HIKESHI: variants seen among roughly 807,000 people sequenced by gnomAD.
HIKESHI encodes the protein heat shock protein nuclear import factor hikeshi.
A neutral mutation model predicts 25.7 loss-of-function variants in HIKESHI; 13 were observed. The observed-to-expected ratio is 0.51, with a 90% CI of 0.33 to 0.80. The LOEUF (loss-of-function observed/expected upper bound fraction) is 0.80. Ranked by LOEUF, HIKESHI falls within the 30% of genes least tolerant of loss-of-function variation. The pLI, the probability that HIKESHI is intolerant of heterozygous loss-of-function variation, is 0.02. For synonymous variants in HIKESHI, 76 were observed against 78.7 expected (o/e 0.97, Z 0.18); for missense variants, 174 against 229.5 (o/e 0.76, Z 1.56).
intron 2 of HIKESHI, among the ~76,000 whole-genome samples, chr11:86,308,056 AAT>A (rs1216916824): frequency 4.9e-5 from 6 of 123,136 alleles, no homozygotes; most frequent in Non-Finnish European, 4.8e-5. Context: ...AATTACATAT[AAT>A]ATATAATATG....
At chr11:86,302,707 T>G (rs1946528239) in intron 1 of HIKESHI, among the ~76,000 whole-genome samples, 1 of 152,212 alleles carries the variant, frequency 6.6e-6, no homozygotes, top group South Asian at 2.1e-4. Context: ...AAGTGTGCAT[T>G]TTGTACCAAG....
chr11:86,337,284 T>C (rs1593867805), intron 2 of HIKESHI, 95 bp from the exon 3 acceptor site: 2 of 1,191,798 alleles, frequency 1.7e-6, no homozygotes, highest in African/African-American at 3.1e-5. Flanking sequence ...AACTTTTTCA[T>C]GTATATAAAT....
At position 86,318,303 on chromosome 11, in the gene HIKESHI, C is replaced by CAAAAAAAAAAAAAAAAAAA. The variant is rs71040230; in HGVS notation, c.268+11823_268+11841dup. Among the ~76,000 whole-genome samples the CAAAAAAAAAAAAAAAAAAA allele has an allele frequency of 3.1e-3, 110 of 35,658 alleles. 9 individuals carry two copies. Among genetic ancestry groups the CAAAAAAAAAAAAAAAAAAA allele is most frequent in the African/African-American group, 4.7e-3 (45 of 9,514 alleles). The allele number at this position is 35,658 out of a possible 152,430, so 23.4% of individuals were successfully genotyped here. A position where few individuals can be genotyped will look rare whatever the true frequency, so the allele number is the denominator to read the frequency against. The stretch of plus-strand genomic sequence containing the variant: ...TGGGCGACAGAGCAAGACTCCGTCT[C>CAAAAAAAAAAAAAAAAAAA]AAAAAAAAAAAAAAAAAAAATCCTG... On this transcript the variant is annotated intron_variant, in intron 2 of 4. Transcript: ENST00000278483.
chr11:86,333,171 A>G (rs1947465270), intron 2 of HIKESHI, among the ~76,000 whole-genome samples: 1 of 152,234 alleles, frequency 6.6e-6, no homozygotes, highest in Non-Finnish European at 1.5e-5. Flanking sequence ...TGAATCTTCA[A>G]ATAAGATCTC....
At chr11:86,326,691 G>GC (rs11419370) in intron 2 of HIKESHI, 174,637 of 374,184 alleles carry the variant, frequency 0.47, 41,876 homozygotes, top group Admixed American at 0.5. Flanking sequence ...GATTTGGATG[G>GC]GATGGAAGTG....
At chr11:86,308,587 TG>T (rs1946747591) in intron 2 of HIKESHI, among the ~76,000 whole-genome samples, 1 of 33,016 alleles carries the variant, frequency 3.0e-5, no homozygotes, top group South Asian at 1.5e-3. Context: ...TTATCTATAA[TG>T]CTTTAACTTC....
At chr11:86,326,576 T>C (rs1201280667) in intron 2 of HIKESHI, 1 of 456,116 alleles carries the variant, frequency 2.2e-6, no homozygotes. Flanking sequence ...GAATATTAAA[T>C]ATCACACCAA....
intron 2 of HIKESHI, among the ~76,000 whole-genome samples, chr11:86,307,414 AT>A (rs1432537674): frequency 7.5e-6 from 1 of 132,632 alleles, no homozygotes; most frequent in African/African-American, 2.7e-5. Context: ...TTATATATCA[AT>A]ATATTATGTG....
intron 3 of HIKESHI, among the ~76,000 whole-genome samples, chr11:86,340,726 C>T (rs937692532): frequency 4.6e-5 from 7 of 152,130 alleles, no homozygotes; most frequent in South Asian, 4.1e-4. Flanking sequence ...GCTCCTGCAA[C>T]CTCTGCCTCT....
intron 2 of HIKESHI, among the ~76,000 whole-genome samples, chr11:86,311,699 T>C (rs1357213132): frequency 1.3e-5 from 2 of 152,220 alleles, no homozygotes; most frequent in Non-Finnish European, 2.9e-5. Flanking sequence ...GGGCATTTAG[T>C]GCTATAAATT....
chr11:86,341,222 A>G (rs1947717818), intron 3 of HIKESHI, among the ~76,000 whole-genome samples: 1 of 152,210 alleles, frequency 6.6e-6, no homozygotes, highest in South Asian at 2.1e-4. Context: ...CCACCTTATC[A>G]GTATACATTT....
intron 1 of HIKESHI, among the ~76,000 whole-genome samples, chr11:86,305,973 T>G (rs1348979351): frequency 6.6e-6 from 1 of 152,098 alleles, no homozygotes; most frequent in Admixed American, 6.6e-5. Context: ...GAACTCCTGA[T>G]CTCAGGTGAT....
At chr11:86,342,738 C>T (rs1947768326) in intron 3 of HIKESHI, among the ~76,000 whole-genome samples, 1 of 112,286 alleles carries the variant, frequency 8.9e-6, no homozygotes, top group Non-Finnish European at 1.9e-5. Flanking sequence ...TTTTTTTTTA[C>T]CATGAGTAAT....
intron 2 of HIKESHI, among the ~76,000 whole-genome samples, chr11:86,336,164 G>A (rs562112703): frequency 7.2e-5 from 11 of 152,316 alleles, no homozygotes; most frequent in East Asian, 1.9e-4. Context: ...CAGTGAAGTC[G>A]AAGATAAATT....
intron 2 of HIKESHI, among the ~76,000 whole-genome samples, chr11:86,326,984 G>A (rs368532828): frequency 6.6e-6 from 1 of 152,132 alleles, no homozygotes; most frequent in East Asian, 1.9e-4. Context: ...CTAACTACTC[G>A]GGAGGCTGAA....
At chr11:86,311,463 T>G (rs187283577) in intron 2 of HIKESHI, among the ~76,000 whole-genome samples, 3 of 152,206 alleles carry the variant, frequency 2.0e-5, no homozygotes, top group Non-Finnish European at 4.4e-5. Context: ...TCTTCTTTGT[T>G]AGTCTTGCTA....
chr11:86,304,706 A>G (rs925770687), intron 1 of HIKESHI, among the ~76,000 whole-genome samples: 3 of 151,940 alleles, frequency 2.0e-5, no homozygotes, highest in Non-Finnish European at 4.4e-5. Context: ...AGTAGATACT[A>G]CGTTTCGCCA....
Position 86,302,355 on chromosome 11 carries a change from T to A in HIKESHI, c.-94T>A, listed in dbSNP as rs1392823225. ...GAGGGGCAGACACCCTCCCGCAAAT[T>A]CTGGAAGGTTCTTAGTCTCGACTAG... On this transcript the variant is annotated 5_prime_UTR_variant, in exon 1 of 5. Coordinates refer to ENST00000278483, the MANE Select transcript of HIKESHI (RefSeq NM_016401.4). The A allele has an allele frequency of 6.7e-7, 1 of 1,491,040 alleles. No individual in the cohort carries two copies. The highest frequency in any genetic ancestry group is 1.4e-5 in the African/African-American group (1 of 71,920). The allele number at this position is 1,491,040 out of a possible 1,614,324, so 92.4% of individuals were successfully genotyped here. A position where few individuals can be genotyped will look rare whatever the true frequency, so the allele number is the denominator to read the frequency against.
intron 2 of HIKESHI, among the ~76,000 whole-genome samples, chr11:86,323,170 A>G (rs991301066): frequency 6.6e-6 from 1 of 152,094 alleles, no homozygotes; most frequent in Admixed American, 6.6e-5. Flanking sequence ...GGCAGAGGTT[A>G]CAGTGATCTG....
Sources: gnomAD v4.1 joint callset for allele counts (sites outside exome capture counted in the v4.1 genomes callset) on GRCh38, gnomAD v4.1.1 for gene constraint, MANE v1.5 for transcripts, NCBI Gene and HGNC (gene_info 2026-07-23, HGNC 2026-07-21) for gene names.